Variants in MBOAT7 observed in about 807,000 individuals in gnomAD.
The protein encoded by MBOAT7 is membrane-bound acylglycerophosphatidylinositol O-acyltransferase MBOAT7.
MBOAT7 carries 40 observed loss-of-function variants against 47.4 expected under a neutral mutation model. The observed-to-expected ratio is 0.84, with a 90% CI of 0.66 to 1.10. The LOEUF (loss-of-function observed/expected upper bound fraction) is 1.10, where lower values mean the gene tolerates loss of function less well. MBOAT7 is among the 50% of genes least tolerant of loss of function. The pLI is 0.00. For missense variants in MBOAT7, 680 were observed against 655.6 expected, an observed-to-expected ratio of 1.04 and a Z score of -0.41; for synonymous variants, 361 against 292.0, an observed-to-expected ratio of 1.24 and a Z score of -2.41.
chr19:54,181,140 G>A lies in MBOAT7; in HGVS notation c.494-7C>T. The A allele has an allele frequency of 1.4e-6, 2 of 1,461,790 alleles. No individual in the cohort carries two copies. Among genetic ancestry groups the A allele is most frequent in the South Asian group, 1.4e-5 (1 of 69,474 alleles). 90.6% of individuals were successfully genotyped at this position (1,461,790 alleles called of 1,614,324 possible). ...CGGTAGCGGAAGAACGGGCCTGTGGGGCGGGGAGGGAGGGCCGCGGTCAGA... is the reference window on the plus strand; with the variant it reads ...CGGTAGCGGAAGAACGGGCCTGTGGAGCGGGGAGGGAGGGCCGCGGTCAGA... On this transcript the variant is annotated splice_region_variant and splice_polypyrimidine_tract_variant and intron_variant, in intron 5 of 7. Transcript: ENST00000245615.
rs1041517822 is a variant in MBOAT7, at chr19:54,174,080, G to A, written c.1383C>T (p.Pro461=). Residue 461 remains proline, a synonymous_variant, in exon 8 of 8, where the codon CCC becomes CCT. Transcript: ENST00000245615. ...SPSRRKAASQ[P]TSLAPEKLRE... is the part of the protein sequence containing the mutation. ...GGAGCTTCTCCGGGGCAAGGCTGGT[G>A]GGCTGGGATGCTGCCTTCCGCCGGC... 1 of 1,606,668 alleles carries A rather than the reference G, an allele frequency of 6.2e-7. No individual in the cohort carries two copies. The highest frequency in any genetic ancestry group is 8.5e-7 in the Non-Finnish European group (1 of 1,177,356).
At position 54,173,833 on chromosome 19, in the gene MBOAT7, A is replaced by G; in HGVS notation, c.*211T>C. On this transcript the variant is annotated 3_prime_UTR_variant, in exon 8 of 8. Coordinates refer to ENST00000245615, the MANE Select transcript of MBOAT7 (RefSeq NM_024298.5). The stretch of plus-strand genomic sequence containing the variant: ...GGCCAGTGACTCTTGTCTGGACAAT[A>G]CTTTGATTTTGTAGGAGTGGAGGTG... 1 of 523,682 alleles carries G rather than the reference A, an allele frequency of 1.9e-6. No individual in the cohort carries two copies. Among genetic ancestry groups the G allele is most frequent in the Non-Finnish European group, 3.3e-6 (1 of 304,428 alleles). The allele number at this position is 523,682 out of a possible 1,614,324, so 32.4% of individuals were successfully genotyped here. A position where few individuals can be genotyped will look rare whatever the true frequency, so the allele number is the denominator to read the frequency against.
chr19:54,180,733 G>A lies in MBOAT7; in HGVS notation c.854+40C>T, dbSNP rs978659792. ...GGCAGAGCCAGCCCTTGGAGGTGGG[G>A]GCTGCTGGGTCTTGGGAAGCCTCCC... On this transcript the variant is annotated intron_variant, in intron 6 of 7. Transcript: ENST00000245615. This position sits in a 1 kb window ranked among gnomAD's most constrained non-coding sequence, Gnocchi z 5.2. The A allele has an allele frequency of 6.8e-7, 1 of 1,460,728 alleles. No individual in the cohort carries two copies. The highest frequency in any genetic ancestry group is 2.5e-5 in the Admixed American group (1 of 39,422). The allele number at this position is 1,460,728 out of a possible 1,614,324, so 90.5% of individuals were successfully genotyped here. A position where few individuals can be genotyped will look rare whatever the true frequency, so the allele number is the denominator to read the frequency against.
At chr19:54,175,202 T>A (rs545578941) in intron 7 of MBOAT7, among the ~76,000 whole-genome samples, 5 of 152,070 alleles carry the variant, frequency 3.3e-5, no homozygotes, top group African/African-American at 9.7e-5. Context: ...ATGGTCTCGA[T>A]CTCCTGACCT....
In MBOAT7 at chr19:54,173,927, G is replaced by C; in HGVS notation, c.*117C>G. ...AGTTGCAGGCAGGGTATTTAGCTGG[G>C]GAAGAGGAAATTCTCTCCAGGACCC... On this transcript the variant is annotated 3_prime_UTR_variant, in exon 8 of 8. Transcript: ENST00000245615. The C allele has an allele frequency of 1.5e-6, 2 of 1,290,586 alleles. No homozygotes were observed. Among genetic ancestry groups the C allele is most frequent in the South Asian group, 1.6e-5 (1 of 63,652 alleles). The allele number at this position is 1,290,586 out of a possible 1,614,324, so 79.9% of individuals were successfully genotyped here.
intron 5 of MBOAT7, among the ~76,000 whole-genome samples, chr19:54,182,014 G>C (rs560361030): frequency 7.0e-6 from 1 of 143,312 alleles, no homozygotes; most frequent in Non-Finnish European, 1.5e-5. Flanking sequence ...AAGGAGGGAA[G>C]GAAGGAGGGA....
chr19:54,183,663 A>G lies in MBOAT7; in HGVS notation c.351T>C (p.Ser117=). 6.3e-7 allele frequency: 1 copy of G among 1,580,670 alleles called. No individual in the cohort carries two copies. Among genetic ancestry groups the G allele is most frequent in the South Asian group, 1.2e-5 (1 of 86,524 alleles). ...LLTLKLVSLA[S]EVQDLHLAQR... is the part of the protein sequence containing the mutation. ...GGGCCAGATGCAGGTCCTGGACTTCACTGGCCAGGCTCACCAGCTGGGCAG... is the reference window on the plus strand; with the variant it reads ...GGGCCAGATGCAGGTCCTGGACTTCGCTGGCCAGGCTCACCAGCTGGGCAG... Residue 117 remains serine (S), a synonymous_variant, in exon 5 of 8, where the codon AGT becomes AGC. Transcript: ENST00000245615.
chr19:54,181,615 CAGGGAGGG>C (rs1055251541), intron 5 of MBOAT7, among the ~76,000 whole-genome samples: 1 of 79,834 alleles, frequency 1.3e-5, no homozygotes, highest in African/African-American at 5.3e-5. Context: ...GCATTCCAGC[CAGGGAGGG>C]AGGGAGGGAG....
At chr19:54,177,799 A>C (rs1489477846) in intron 7 of MBOAT7, among the ~76,000 whole-genome samples, 1 of 147,904 alleles carries the variant, frequency 6.8e-6, no homozygotes, top group African/African-American at 2.5e-5. Flanking sequence ...GCTGGTCTTC[A>C]CCATATTGCC....
intron 7 of MBOAT7, chr19:54,178,219 C>T (rs919978537): frequency 2.0e-6 from 2 of 987,058 alleles, no homozygotes; most frequent in Non-Finnish European, 2.4e-6. Flanking sequence ...TGAGTTTCTG[C>T]TTCTAAAGGC....
intron 7 of MBOAT7, among the ~76,000 whole-genome samples, chr19:54,175,755 C>T (rs993490604): frequency 6.6e-6 from 1 of 152,074 alleles, no homozygotes; most frequent in African/African-American, 2.4e-5. Flanking sequence ...GACGGAGTCT[C>T]GCTCTGCCGC....
Position 54,180,194 on chromosome 19 carries a change from G to A in MBOAT7, c.854+579C>T, listed in dbSNP as rs990831132. 6.6e-6 allele frequency: 1 copy of A among 152,412 alleles called. No homozygotes were observed. Among genetic ancestry groups the A allele is most frequent in the Admixed American group, 6.5e-5 (1 of 15,282 alleles). 9.4% of individuals were successfully genotyped at this position (152,412 alleles called of 1,614,324 possible). ...TGGAAATTGCTATTTCCTTGCAGAG[G>A]GCTGCTGAGGGCTGCTATGTGAGGA... is the stretch of plus-strand genomic sequence containing the variant. On this transcript the variant is annotated intron_variant, in intron 6 of 7. Coordinates refer to ENST00000245615, the MANE Select transcript of MBOAT7 (RefSeq NM_024298.5). The surrounding 1 kb of genome is among the most constrained non-coding windows in gnomAD (Gnocchi z 5.2).
chr19:54,177,271 T>C (rs1336385548), intron 7 of MBOAT7, among the ~76,000 whole-genome samples: 1 of 151,970 alleles, frequency 6.6e-6, no homozygotes, highest in Non-Finnish European at 1.5e-5. Context: ...AAATTAATAA[T>C]TATTTTTGTT....
chr19:54,187,371 T>C, intron 3 of MBOAT7, 84 bp from the exon 4 acceptor site: 1 of 1,443,720 alleles, frequency 6.9e-7, no homozygotes. Flanking sequence ...CCACCAATCC[T>C]CCCCCAGCTC....
At chr19:54,188,538 G>A (rs933937245) in intron 1 of MBOAT7, 27 bp from the exon 2 acceptor site, 1 of 1,546,426 alleles carries the variant, frequency 6.5e-7, no homozygotes, top group African/African-American at 1.4e-5. Context: ...GATTCACAGT[G>A]AGAACCCAGG....
chr19:54,182,175 C>A (rs1028697620), intron 5 of MBOAT7, among the ~76,000 whole-genome samples: 34 of 151,224 alleles, frequency 2.2e-4, no homozygotes, highest in African/African-American at 7.8e-4. Context: ...CAGAAGGGAC[C>A]GGGGTTAAAA....
rs1240542234 is a variant in MBOAT7 at position 54,188,070 on chromosome 19, AC to A, written c.206+146del. The A allele has an allele frequency of 2.5e-3, 1,324 of 522,838 alleles. 76 individuals are homozygous for A. The highest frequency in any genetic ancestry group is 5.0e-3 in the Middle Eastern group (9 of 1,810). The allele number at this position is 522,838 out of a possible 1,614,324, so 32.4% of individuals were successfully genotyped here. ...GAAAGAAAGAAAGAAAGAAAGAAAG[AC>A]AAACAAACAAACATGAAACAGAGAA... On this transcript the variant is annotated intron_variant, in intron 3 of 7. Transcript: ENST00000245615.
intron 1 of MBOAT7, among the ~76,000 whole-genome samples, chr19:54,188,852 C>T (rs1228365730): frequency 6.6e-6 from 1 of 152,066 alleles, no homozygotes; most frequent in East Asian, 1.9e-4. Flanking sequence ...TACTGGGGAC[C>T]CAGATTTGAA....
chr19:54,181,741 GGGAGGGAAGGAGGGAAGGAA>G (rs2076281840), intron 5 of MBOAT7, among the ~76,000 whole-genome samples: 1 of 30,386 alleles, frequency 3.3e-5, no homozygotes, highest in Non-Finnish European at 6.4e-5. Context: ...GAAGGAGGGA[GGGAGGGAAGGAGGGAAGGAA>G]GGAGGGAGGG....
Sources: allele counts gnomAD v4.1 joint callset (sites outside exome capture counted in the v4.1 genomes callset), GRCh38; gene constraint gnomAD v4.1.1; non-coding constraint Gnocchi (gnomAD v3.1); transcripts MANE v1.5; gene names NCBI Gene and HGNC (gene_info 2026-07-23, HGNC 2026-07-21).